NRXN3: variants seen among roughly 807,000 people sequenced by gnomAD.
The protein encoded by NRXN3 is neurexin III.
Under a neutral mutation model 137.6 loss-of-function variants are expected in NRXN3, and 32 were observed. That is an observed-to-expected ratio of 0.23 (90% CI 0.18 to 0.31). NRXN3 has a LOEUF of 0.31. Ranked by LOEUF, NRXN3 falls within the 10% of genes least tolerant of loss-of-function variation. The pLI, the probability that NRXN3 is intolerant of heterozygous loss-of-function variation, is 1.00. For synonymous variants in NRXN3, 798 were observed against 784.5 expected (o/e 1.02, Z -0.29); for missense variants, 1,574 against 2,062.5 (o/e 0.76, Z 4.59).
intron 1 of NRXN3, among the ~76,000 whole-genome samples, chr14:78,217,938 G>A (rs2063463122): frequency 6.6e-6 from 1 of 152,200 alleles, no homozygotes; most frequent in South Asian, 2.1e-4. Flanking sequence ...TGGGATTACA[G>A]GCATAAGCCC....
At chr14:78,603,461 G>C (rs1462885076) in intron 4 of NRXN3, among the ~76,000 whole-genome samples, 1 of 152,208 alleles carries the variant, frequency 6.6e-6, no homozygotes, top group Non-Finnish European at 1.5e-5. Flanking sequence ...CACAGAGCAA[G>C]TGTAGAGTAT....
chr14:78,297,288 A>C (rs149627094), intron 3 of NRXN3, among the ~76,000 whole-genome samples: 106 of 152,284 alleles, frequency 7.0e-4, no homozygotes, highest in African/African-American at 2.5e-3. Flanking sequence ...CATATGATTC[A>C]ATTTTTGTAG....
At chr14:78,330,272 G>A (rs1462859406) in intron 4 of NRXN3, among the ~76,000 whole-genome samples, 1 of 152,142 alleles carries the variant, frequency 6.6e-6, no homozygotes, top group Non-Finnish European at 1.5e-5. Context: ...GACCCTAAGA[G>A]ATTTGGCTAA....
chr14:79,208,434 C>T (rs1158145146), intron 15 of NRXN3, among the ~76,000 whole-genome samples: 1 of 152,170 alleles, frequency 6.6e-6, no homozygotes. Context: ...GGACAAATAA[C>T]ATCTCACACT....
At chr14:78,963,680 A>G (rs1027955612) in intron 11 of NRXN3, among the ~76,000 whole-genome samples, 1 of 152,222 alleles carries the variant, frequency 6.6e-6, no homozygotes, top group Non-Finnish European at 1.5e-5. Context: ...GTTAACCAAC[A>G]TCTTTTTTTC....
chr14:79,325,737 T>C (rs2090757895), intron 15 of NRXN3, among the ~76,000 whole-genome samples: 1 of 152,200 alleles, frequency 6.6e-6, no homozygotes. Flanking sequence ...AGGTGTTGCC[T>C]AGAATCAGCA....
At chr14:79,671,407 C>G (rs2098607086) in intron 17 of NRXN3, among the ~76,000 whole-genome samples, 1 of 152,062 alleles carries the variant, frequency 6.6e-6, no homozygotes. Context: ...CAGGTTAAAT[C>G]TCTGATTTCT....
intron 15 of NRXN3, among the ~76,000 whole-genome samples, chr14:79,250,388 T>A (rs2075772457): frequency 6.6e-6 from 1 of 152,206 alleles, no homozygotes; most frequent in South Asian, 2.1e-4. Context: ...TAAATTTTCA[T>A]CCTAAATTGT....
At chr14:79,029,809 G>A (rs1457449250) in intron 15 of NRXN3, among the ~76,000 whole-genome samples, 3 of 151,794 alleles carry the variant, frequency 2.0e-5, no homozygotes, top group Non-Finnish European at 2.9e-5. Flanking sequence ...ATTCTTTGGG[G>A]CAATTGTATG....
chr14:79,386,006 G>A (rs1187434253), intron 15 of NRXN3, among the ~76,000 whole-genome samples: 1 of 152,090 alleles, frequency 6.6e-6, no homozygotes, highest in Non-Finnish European at 1.5e-5. Flanking sequence ...CATACTGAAT[G>A]GGCAAAAACT....
At chr14:79,355,450 C>T (rs770926212) in intron 15 of NRXN3, among the ~76,000 whole-genome samples, 7 of 152,136 alleles carry the variant, frequency 4.6e-5, no homozygotes, top group East Asian at 1.9e-4. Context: ...TCCTCGGCTC[C>T]GCATTTTGTG....
intron 4 of NRXN3, among the ~76,000 whole-genome samples, chr14:78,400,449 T>C (rs894182209): frequency 2.0e-5 from 3 of 152,230 alleles, no homozygotes; most frequent in South Asian, 2.1e-4. Context: ...ATAGAAACTT[T>C]ACCTAGCTGT....
At chr14:78,925,810 C>CT (rs796559483) in intron 10 of NRXN3, among the ~76,000 whole-genome samples, 56 of 152,314 alleles carry the variant, frequency 3.7e-4, no homozygotes, top group African/African-American at 1.3e-3. Flanking sequence ...CCAGCACAGA[C>CT]TCCTCCCTTT....
chr14:78,638,298 G>T (rs2097583846), intron 4 of NRXN3, among the ~76,000 whole-genome samples: 1 of 151,970 alleles, frequency 6.6e-6, no homozygotes. Flanking sequence ...ATTGCTCAGG[G>T]CGACACAATT....
chr14:78,775,846 T>G (rs2153009810), intron 8 of NRXN3, among the ~76,000 whole-genome samples: 1 of 152,364 alleles, frequency 6.6e-6, no homozygotes, highest in East Asian at 1.9e-4. Flanking sequence ...AGGTAATTCC[T>G]GTATGAAACT....
chr14:78,827,863 G>C (rs779541716), intron 10 of NRXN3, among the ~76,000 whole-genome samples: 1 of 152,176 alleles, frequency 6.6e-6, no homozygotes, highest in South Asian at 2.1e-4. Context: ...ATGGAACAGC[G>C]TTTTCTTGTA....
chr14:79,633,988 TA>T (rs2098382546), intron 16 of NRXN3, among the ~76,000 whole-genome samples: 2 of 149,716 alleles, frequency 1.3e-5, no homozygotes, highest in Admixed American at 1.3e-4. Flanking sequence ...AAACATTCCA[TA>T]AACACAAAAC....
chr14:79,244,913 G>A (rs113665075), intron 15 of NRXN3, among the ~76,000 whole-genome samples: 6 of 152,192 alleles, frequency 3.9e-5, no homozygotes, highest in East Asian at 3.9e-4. Flanking sequence ...TCAGTGTTTC[G>A]CTCTATTTTC....
At chr14:79,489,447 A>G (rs2096690691) in intron 16 of NRXN3, among the ~76,000 whole-genome samples, 1 of 152,136 alleles carries the variant, frequency 6.6e-6, no homozygotes. Flanking sequence ...ACTGAGAAGG[A>G]AAAAATCTTT....
Sources: gnomAD v4.1 joint callset for allele counts (sites outside exome capture counted in the v4.1 genomes callset) on GRCh38, gnomAD v4.1.1 for gene constraint, MANE v1.5 for transcripts, NCBI Gene and HGNC (gene_info 2026-07-23, HGNC 2026-07-21) for gene names.